Variants in NINJ2 observed in about 807,000 individuals in gnomAD.
NINJ2 encodes the protein ninjurin-2.
NINJ2 carries 12 observed loss-of-function variants against 11.7 expected under a neutral mutation model. The observed-to-expected ratio is 1.02, with a 90% CI of 0.66 to 1.66. The LOEUF (loss-of-function observed/expected upper bound fraction) is 1.66, where lower values mean the gene tolerates loss of function less well. Ranked by LOEUF, NINJ2 falls within the 40% of genes most tolerant of loss-of-function variation. NINJ2 has a pLI of 0.00. For synonymous variants in NINJ2, 93 were observed against 76.8 expected (o/e 1.21, Z -1.10); for missense variants, 187 against 181.8 (o/e 1.03, Z -0.16).
At chr12:641,837 T>C (rs1592114441) in intron 1 of NINJ2, among the ~76,000 whole-genome samples, 2 of 117,206 alleles carry the variant, frequency 1.7e-5, no homozygotes, top group South Asian at 2.8e-4. Context: ...AGAGCGAGAC[T>C]CCGTCTCAAA....
At chr12:596,896 T>C in intron 1 of NINJ2, among the ~76,000 whole-genome samples, 1 of 151,198 alleles carries the variant, frequency 6.6e-6, no homozygotes. Context: ...CACTCCAGCC[T>C]GGACGATGAG....
chr12:604,545 C>T (rs550914637), intron 1 of NINJ2, among the ~76,000 whole-genome samples: 1 of 152,168 alleles, frequency 6.6e-6, no homozygotes, highest in East Asian at 1.9e-4. Flanking sequence ...GGCTGAGGCA[C>T]GAGAATCGCT....
intron 1 of NINJ2, among the ~76,000 whole-genome samples, chr12:594,719 G>A (rs973107595): frequency 2.6e-5 from 4 of 152,148 alleles, no homozygotes; most frequent in Non-Finnish European, 5.9e-5. Flanking sequence ...TTCATGAATA[G>A]AAAGACTCAA....
chr12:626,742 G>GAAT (rs749948267), intron 1 of NINJ2, among the ~76,000 whole-genome samples: 3 of 151,948 alleles, frequency 2.0e-5, no homozygotes, highest in Non-Finnish European at 4.4e-5. Context: ...TCTAAAGTAG[G>GAAT]AATAATAATA....
intron 1 of NINJ2, among the ~76,000 whole-genome samples, chr12:623,205 C>A (rs1351372362): frequency 6.6e-6 from 1 of 152,146 alleles, no homozygotes; most frequent in African/African-American, 2.4e-5. Context: ...ATCTGAGAGC[C>A]AGCACTCCCT....
At chr12:627,517 G>A (rs1003262794) in intron 1 of NINJ2, among the ~76,000 whole-genome samples, 10 of 152,188 alleles carry the variant, frequency 6.6e-5, no homozygotes, top group African/African-American at 2.4e-4. Context: ...TGACAAGTTC[G>A]ATAGGATTTA....
intron 1 of NINJ2, among the ~76,000 whole-genome samples, chr12:657,569 AC>A (rs1300626789): frequency 1.3e-5 from 2 of 152,190 alleles, no homozygotes; most frequent in Non-Finnish European, 2.9e-5. Context: ...AGCCTGGAAG[AC>A]AGAGCGAGAC....
chr12:642,416 A>G (rs919803480), intron 1 of NINJ2, among the ~76,000 whole-genome samples: 1 of 152,164 alleles, frequency 6.6e-6, no homozygotes, highest in South Asian at 2.1e-4. Flanking sequence ...TTTTTAGTAG[A>G]GACGGGGTTT....
In NINJ2 at chr12:629,896, A is replaced by AAAAAAAAAAAAAAAAATATAT; in HGVS notation, c.33+33431_33+33432insATATATTTTTTTTTTTTTTTT. Among the ~76,000 whole-genome samples, 16 of 9,888 alleles carry AAAAAAAAAAAAAAAAATATAT rather than the reference A, an allele frequency of 1.6e-3. 1 individual carries two copies. The highest frequency in any genetic ancestry group is 4.2e-3 in the Non-Finnish European group (9 of 2,122). 6.5% of individuals were successfully genotyped at this position (9,888 alleles called of 152,430 possible). A position where few individuals can be genotyped will look rare whatever the true frequency, so the allele number is the denominator to read the frequency against. On this transcript the variant is annotated intron_variant, in intron 1 of 3. Transcript: ENST00000305108. ...GAGCAAAACTCAAAAAAAAAAAAAA[A>AAAAAAAAAAAAAAAAATATAT]ATATATATATATATATATATATATA...
At chr12:600,835 C>A (rs1411884890) in intron 1 of NINJ2, among the ~76,000 whole-genome samples, 1 of 152,160 alleles carries the variant, frequency 6.6e-6, no homozygotes, top group East Asian at 1.9e-4. Flanking sequence ...GCATGAGCCA[C>A]CATGCCTGGC....
intron 1 of NINJ2, among the ~76,000 whole-genome samples, chr12:582,547 T>C (rs1947571116): frequency 1.9e-5 from 1 of 53,844 alleles, no homozygotes; most frequent in Non-Finnish European, 3.4e-5. Flanking sequence ...GCAGGCATGC[T>C]AGAGTGAATG....
At chr12:638,690 C>T (rs575959087) in intron 1 of NINJ2, among the ~76,000 whole-genome samples, 1 of 152,370 alleles carries the variant, frequency 6.6e-6, no homozygotes, top group South Asian at 2.1e-4. Flanking sequence ...GCTGGGATTA[C>T]AGGCGTGAGC....
Position 580,874 on chromosome 12 carries a change from ATG to A in NINJ2, c.34-14698_34-14697del, listed in dbSNP as rs1565622738. On this transcript the variant is annotated intron_variant, in intron 1 of 3. Transcript: ENST00000305108. This position sits in a 1 kb window ranked among gnomAD's most constrained non-coding sequence, Gnocchi z 4.7. ...TGTGTGTGCATGAGTGTCTGTGTGAATGTGTCTATGCATGTGTCTGTGTGTCT... is the reference window on the plus strand; with the variant it reads ...TGTGTGTGCATGAGTGTCTGTGTGAATGTCTATGCATGTGTCTGTGTGTCT... Among the ~76,000 whole-genome samples, 1 of 144,230 alleles carries A rather than the reference ATG, an allele frequency of 6.9e-6. No homozygotes were observed. The highest frequency in any genetic ancestry group is 2.1e-4 in the East Asian group (1 of 4,790). The allele number at this position is 144,230 out of a possible 152,430, so 94.6% of individuals were successfully genotyped here.
chr12:565,240 GA>G lies in NINJ2; in HGVS notation c.423del (p.Leu142SerfsTer20). On this transcript the variant is annotated frameshift_variant, in exon 3 of 4. Coordinates refer to ENST00000305108, the MANE Select transcript of NINJ2 (RefSeq NM_016533.6). LOFTEE classifies it high-confidence loss of function. ...ACCTGGGTCCCAGGCTGCATTCAGAGAGGATTCCTTGAGGCCCTGGCAGCCA... is the reference window on the plus strand; with the variant it reads ...ACCTGGGTCCCAGGCTGCATTCAGAGGGATTCCTTGAGGCCCTGGCAGCCA... ...GFLAARASRNPL is the reference protein window; with the variant it reads ...GFLAARASRNXL 1 of 1,613,554 alleles carries G rather than the reference GA, an allele frequency of 6.2e-7. No homozygotes were observed. Among genetic ancestry groups the G allele is most frequent in the Non-Finnish European group, 8.5e-7 (1 of 1,179,646 alleles).
intron 1 of NINJ2, among the ~76,000 whole-genome samples, chr12:609,220 G>T (rs2535402): frequency 0.017 from 832 of 48,292 alleles, 33 homozygotes; most frequent in Middle Eastern, 0.031. Flanking sequence ...ACGCGCTAGG[G>T]GCTGAACGCG....
At chr12:629,896 A>AAAAAAAAAAAAATATATATAT in intron 1 of NINJ2, among the ~76,000 whole-genome samples, 1 of 9,902 alleles carries the variant, frequency 1.0e-4, no homozygotes, top group African/African-American at 1.5e-4. Context: ...AAAAAAAAAA[A>AAAAAAAAAAAAATATATATAT]ATATATATAT....
intron 1 of NINJ2, chr12:643,385 C>A: frequency 2.1e-6 from 2 of 945,570 alleles, no homozygotes; most frequent in Non-Finnish European, 2.5e-6. Context: ...AGGAAAGGGT[C>A]GCAGCTGCAG....
intron 1 of NINJ2, among the ~76,000 whole-genome samples, chr12:571,995 G>A (rs1438632079): frequency 1.3e-5 from 2 of 152,242 alleles, no homozygotes; most frequent in Non-Finnish European, 2.9e-5. Flanking sequence ...GCATGGTGAG[G>A]GGAGTTGTAG....
chr12:566,240 GGGAGAGA>G (rs1316979111), intron 1 of NINJ2, 62 bp from the exon 2 acceptor site: 5 of 1,380,298 alleles, frequency 3.6e-6, no homozygotes, highest in Non-Finnish European at 5.1e-6. Flanking sequence ...GTTGAGAGGT[GGGAGAGA>G]GGAGAGAGGT....
Sources: allele counts gnomAD v4.1 joint callset (sites outside exome capture counted in the v4.1 genomes callset), GRCh38; gene constraint gnomAD v4.1.1; non-coding constraint Gnocchi (gnomAD v3.1); transcripts MANE v1.5; gene names NCBI Gene and HGNC (gene_info 2026-07-23, HGNC 2026-07-21).